SULT4A1: variants seen among roughly 807,000 people sequenced by gnomAD.
The protein encoded by SULT4A1 is sulfotransferase family 4A member 1.
SULT4A1 carries 11 observed loss-of-function variants against 35.2 expected under a neutral mutation model. The observed-to-expected ratio is 0.31, with a 90% confidence interval of 0.20 to 0.52. The LOEUF is 0.52. Ranked by LOEUF, SULT4A1 falls within the 20% of genes least tolerant of loss-of-function variation. SULT4A1 has a pLI of 0.97. For missense variants in SULT4A1, 271 were observed against 383.7 expected, an observed-to-expected ratio of 0.71 and a Z score of 2.45; for synonymous variants, 152 against 151.8, an observed-to-expected ratio of 1.00 and a Z score of -0.01.
At chr22:43,840,098 A>C in intron 2 of SULT4A1, 73 bp from the exon 3 acceptor site, 29 of 580,442 alleles carry the variant, frequency 5.0e-5, no homozygotes, top group African/African-American at 7.6e-5. Context: ...GCCAAGGGGA[A>C]GGGGGCCAGA....
chr22:43,858,942 C>G (rs2049434623), intron 1 of SULT4A1, among the ~76,000 whole-genome samples: 1 of 152,148 alleles, frequency 6.6e-6, no homozygotes, highest in African/African-American at 2.4e-5. Context: ...TGCAGTCTCC[C>G]GAGATCCTCC....
intron 1 of SULT4A1, among the ~76,000 whole-genome samples, chr22:43,844,434 T>C (rs930208936): frequency 2.6e-5 from 4 of 152,090 alleles, no homozygotes; most frequent in Non-Finnish European, 5.9e-5. Context: ...GGACCAATTC[T>C]CCCTCCTCAC....
intron 4 of SULT4A1, among the ~76,000 whole-genome samples, chr22:43,836,194 C>T (rs142546814): frequency 1.4e-4 from 12 of 85,534 alleles, no homozygotes; most frequent in African/African-American, 2.4e-4. Flanking sequence ...CAGCGTCCTC[C>T]GACTGCAGGT....
chr22:43,858,949 C>T (rs1009154943), intron 1 of SULT4A1, among the ~76,000 whole-genome samples: 3 of 152,200 alleles, frequency 2.0e-5, no homozygotes, highest in African/African-American at 7.2e-5. Flanking sequence ...TCCCGAGATC[C>T]TCCTCTTCAG....
At position 43,827,240 on chromosome 22, in the gene SULT4A1, C is replaced by T. The variant is rs963414839; in HGVS notation, c.743-1127G>A. On this transcript the variant is annotated intron_variant, in intron 6 of 6. Transcript: ENST00000330884. The stretch of plus-strand genomic sequence containing the variant: ...TCCAGCAAATGTCCTTCACTAGCTC[C>T]GTTATTAACAGCGGTCCTTGTCCAG... 2.1e-5 allele frequency: 21 copies of T among 985,280 alleles called. No individual in the cohort carries two copies. The African/African-American group carries it at 3.0e-4, about 14-fold the overall frequency. 61.0% of individuals were successfully genotyped at this position (985,280 alleles called of 1,614,324 possible).
chr22:43,827,710 G>C, intron 6 of SULT4A1: 1 of 1,229,392 alleles, frequency 8.1e-7, no homozygotes, highest in South Asian at 1.2e-5. Flanking sequence ...GCAAACCCAA[G>C]GGAAGGAGCA....
At chr22:43,850,603 G>C (rs530077913) in intron 1 of SULT4A1, among the ~76,000 whole-genome samples, 2 of 152,200 alleles carry the variant, frequency 1.3e-5, no homozygotes, top group African/African-American at 4.8e-5. Flanking sequence ...TGTTCCCTCT[G>C]CTCTCCCTCC....
Position 43,862,308 on chromosome 22 carries a change from C to A in SULT4A1, c.75G>T (p.Val25=). Residue 25 remains valine, a synonymous_variant, in exon 1 of 7, where the codon GTG becomes GTT. Transcript: ENST00000330884. ...FESKYFEFHG[V]RLPPFCRGKM... is the part of the protein sequence containing the mutation. ...TCCCGCGGCAGAAGGGCGGCAGCCGCACGCCATGGAACTCGAAGTACTTGC... is the reference window on the plus strand; with the variant it reads ...TCCCGCGGCAGAAGGGCGGCAGCCGAACGCCATGGAACTCGAAGTACTTGC... The A allele has an allele frequency of 6.4e-7, 1 of 1,567,420 alleles. No individual in the cohort carries two copies. Among genetic ancestry groups the A allele is most frequent in the Non-Finnish European group, 8.7e-7 (1 of 1,155,754 alleles).
chr22:43,830,381 C>T (rs191825450), intron 5 of SULT4A1, among the ~76,000 whole-genome samples: 4 of 152,346 alleles, frequency 2.6e-5, no homozygotes, highest in East Asian at 1.9e-4. Flanking sequence ...CTCACTGCGG[C>T]GTGACGTCCA....
intron 1 of SULT4A1, among the ~76,000 whole-genome samples, chr22:43,851,760 T>A (rs1569504858): frequency 6.6e-6 from 1 of 152,102 alleles, no homozygotes; most frequent in Non-Finnish European, 1.5e-5. Context: ...CACAGGACCC[T>A]CACATCACAG....
intron 4 of SULT4A1, among the ~76,000 whole-genome samples, chr22:43,835,146 C>A (rs1483163558): frequency 2.7e-4 from 40 of 145,646 alleles, no homozygotes; most frequent in Admixed American, 4.7e-4. Context: ...TCCCGCGCCC[C>A]CACCGCAGCC....
chr22:43,843,875 C>T lies in SULT4A1; in HGVS notation c.170-1943G>A, dbSNP rs530088624. On this transcript the variant is annotated intron_variant, in intron 1 of 6. Coordinates refer to ENST00000330884, the MANE Select transcript of SULT4A1 (RefSeq NM_014351.4). ...GTCAAACGTGGGCAGGGAGGGTGTG[C>T]GAACCCCAATTTATAGCCAGTGGGT... Among the ~76,000 whole-genome samples the T allele has an allele frequency of 5.9e-5, 9 of 152,336 alleles. No homozygotes were observed. The South Asian group carries it at 1.9e-3, about 32-fold the overall frequency.
At chr22:43,833,541 C>T (rs1002446067) in intron 5 of SULT4A1, 99 bp downstream of exon 5, 2 of 949,910 alleles carry the variant, frequency 2.1e-6, no homozygotes, top group Non-Finnish European at 3.2e-6. Flanking sequence ...CAGACCCCTC[C>T]TCCTCCTCCC....
At chr22:43,839,842 C>G in intron 3 of SULT4A1, 103 bp downstream of exon 3, 1 of 1,133,718 alleles carries the variant, frequency 8.8e-7, no homozygotes, top group South Asian at 1.3e-5. Context: ...AGACAGCCCC[C>G]AAGGCCAGGT....
At chr22:43,829,313 A>G in intron 5 of SULT4A1, 115 bp from the exon 6 acceptor site, 3 of 1,215,192 alleles carry the variant, frequency 2.5e-6, no homozygotes, top group Non-Finnish European at 3.3e-6. Flanking sequence ...TCCTTACTTA[A>G]TGCTCACAAG....
intron 6 of SULT4A1, among the ~76,000 whole-genome samples, chr22:43,828,281 C>G (rs1206162611): frequency 6.6e-6 from 1 of 152,256 alleles, no homozygotes; most frequent in African/African-American, 2.4e-5. Context: ...CCTCCTATGG[C>G]CAAGGCCAGC....
chr22:43,848,081 C>G (rs952218941), intron 1 of SULT4A1, among the ~76,000 whole-genome samples: 1 of 152,020 alleles, frequency 6.6e-6, no homozygotes, highest in Admixed American at 6.5e-5. Context: ...CACAGGTACC[C>G]CCACCCACCC....
At chr22:43,840,073 A>G in intron 2 of SULT4A1, 48 bp from the exon 3 acceptor site, 1 of 1,465,590 alleles carries the variant, frequency 6.8e-7, no homozygotes, top group Non-Finnish European at 9.4e-7. Flanking sequence ...GGGTGAGACC[A>G]AGGGGAGGAG....
chr22:43,846,831 T>A (rs1372321561), intron 1 of SULT4A1, among the ~76,000 whole-genome samples: 1 of 152,226 alleles, frequency 6.6e-6, no homozygotes, highest in East Asian at 1.9e-4. Context: ...GAAATCAGAC[T>A]GTGGGCAGCG....
Sources: allele counts gnomAD v4.1 joint callset (sites outside exome capture counted in the v4.1 genomes callset), GRCh38; gene constraint gnomAD v4.1.1; transcripts MANE v1.5; gene names NCBI Gene and HGNC (gene_info 2026-07-23, HGNC 2026-07-21).